KCNQ1: variants seen among roughly 807,000 people sequenced by gnomAD.
KCNQ1 encodes potassium voltage-gated channel subfamily Q member 1, also known as potassium voltage-gated channel subfamily KQT member 1.
In KCNQ1, 49 loss-of-function variants were observed where a neutral mutation model predicts 72.4. That is an observed-to-expected ratio of 0.68 (90% CI 0.54 to 0.86). The LOEUF is 0.86. Ranked by LOEUF, KCNQ1 falls within the 40% of genes least tolerant of loss-of-function variation. KCNQ1 has a pLI of 0.00. For synonymous variants in KCNQ1, 450 were observed against 412.6 expected (o/e 1.09, Z -1.10); for missense variants, 790 against 945.1 (o/e 0.84, Z 2.15).
chr11:2,761,815 CCTG>C (rs1411855731), intron 11 of KCNQ1, among the ~76,000 whole-genome samples: 1 of 152,258 alleles, frequency 6.6e-6, no homozygotes, highest in East Asian at 1.9e-4. Context: ...CACCCTCAGC[CCTG>C]GCTGCTTGCA....
At chr11:2,714,832 G>A (rs1196804959) in intron 11 of KCNQ1, among the ~76,000 whole-genome samples, 1 of 152,094 alleles carries the variant, frequency 6.6e-6, no homozygotes, top group Admixed American at 6.5e-5. Context: ...AGGGAATGAT[G>A]CAGACAGAGG....
Position 2,645,996 on chromosome 11 carries a change from G to T in KCNQ1, c.1394-15965G>T, listed in dbSNP as rs2133836017. The T allele has an allele frequency of 2.5e-6, 1 of 398,648 alleles. No individual in the cohort carries two copies. The highest frequency in any genetic ancestry group is 1.3e-4 in the South Asian group (1 of 7,854). The allele number at this position is 398,648 out of a possible 1,614,324, so 24.7% of individuals were successfully genotyped here. On this transcript the variant is annotated intron_variant, in intron 10 of 15. Transcript: ENST00000155840. The surrounding 1 kb of genome is among the most constrained non-coding windows in gnomAD (Gnocchi z 5.8). ...CTAGGATTTCAGGAGTCTGCTGTGG[G>T]AATGTGGACCACTAGGGGCTCACTT...
Position 2,610,462 on chromosome 11 carries a change from T to G in KCNQ1, c.1393+21608T>G, listed in dbSNP as rs117084069. On this transcript the variant is annotated intron_variant, in intron 10 of 15. Transcript: ENST00000155840. The stretch of plus-strand genomic sequence containing the variant: ...TATATTTGATCCACTTTTTTGGTTT[T>G]TATGGATTTGAGTTACCAACTGGTG... 6.1e-3 allele frequency: 2,421 copies of G among 398,376 alleles called. 59 individuals are homozygous for G. In the South Asian group the frequency reaches 0.073, roughly 12 times the overall value. The allele number at this position is 398,376 out of a possible 1,614,324, so 24.7% of individuals were successfully genotyped here. A position where few individuals can be genotyped will look rare whatever the true frequency, so the allele number is the denominator to read the frequency against.
intron 1 of KCNQ1, among the ~76,000 whole-genome samples, chr11:2,490,765 C>T (rs367909128): frequency 1.4e-4 from 22 of 152,222 alleles, no homozygotes; most frequent in Admixed American, 3.9e-4. Context: ...CTCAGCTCAC[C>T]GCAACCTCTG....
In KCNQ1 at chr11:2,809,403, C is replaced by T. The variant is rs893243832; in HGVS notation, c.1794+31366C>T. 1.3e-5 allele frequency among the ~76,000 whole-genome samples: 2 copies of T among 152,188 alleles called. No homozygotes were observed. Among genetic ancestry groups the T allele is most frequent in the African/African-American group, 4.8e-5 (2 of 41,446 alleles). On this transcript the variant is annotated intron_variant, in intron 15 of 15. Coordinates refer to ENST00000155840, the MANE Select transcript of KCNQ1 (RefSeq NM_000218.3). The surrounding 1 kb of genome is among the most constrained non-coding windows in gnomAD (Gnocchi z 7.1). The stretch of plus-strand genomic sequence containing the variant: ...CGACGCTGCAACCCCGCCCCCGCAG[C>T]CTCCTGGTGCAGCACGTGTTCATTT...
chr11:2,675,438 A>T, intron 11 of KCNQ1: 1 of 398,684 alleles, frequency 2.5e-6, no homozygotes, highest in Non-Finnish European at 4.4e-6. Context: ...GCGTTAAAAT[A>T]AAAGATGATC....
At chr11:2,753,937 C>G (rs1846262611) in intron 11 of KCNQ1, among the ~76,000 whole-genome samples, 1 of 152,098 alleles carries the variant, frequency 6.6e-6, no homozygotes, top group Non-Finnish European at 1.5e-5. Flanking sequence ...GGATGTGTAT[C>G]CAGAATATAC....
intron 1 of KCNQ1, among the ~76,000 whole-genome samples, chr11:2,523,002 A>G (rs1847415378): frequency 6.6e-6 from 1 of 152,112 alleles, no homozygotes; most frequent in African/African-American, 2.4e-5. Flanking sequence ...CACATATCTG[A>G]GCCAGCTGTG....
intron 10 of KCNQ1, chr11:2,640,833 C>G (rs750869818): frequency 2.8e-5 from 11 of 399,056 alleles, no homozygotes; most frequent in Non-Finnish European, 4.9e-5. Flanking sequence ...ACCCTCCAGA[C>G]ATACCTTTCA....
Position 2,612,124 on chromosome 11 carries a change from C to T in KCNQ1, c.1393+23270C>T, listed in dbSNP as rs1464762591. On this transcript the variant is annotated intron_variant, in intron 10 of 15. Transcript: ENST00000155840. The surrounding 1 kb of genome is among the most constrained non-coding windows in gnomAD (Gnocchi z 5.5). ...GGGTTCCCAACCCCAGGGCCATGGA[C>T]TGGTACCAGTCTGTGGCCTATTAGA... is the stretch of plus-strand genomic sequence containing the variant. 2.5e-6 allele frequency: 1 copy of T among 398,540 alleles called. No individual in the cohort carries two copies. Among genetic ancestry groups the T allele is most frequent in the East Asian group, 3.6e-5 (1 of 28,090 alleles). 24.7% of individuals were successfully genotyped at this position (398,540 alleles called of 1,614,324 possible). A position where few individuals can be genotyped will look rare whatever the true frequency, so the allele number is the denominator to read the frequency against.
At chr11:2,581,871 G>T (rs1418824420) in intron 6 of KCNQ1, among the ~76,000 whole-genome samples, 1 of 152,214 alleles carries the variant, frequency 6.6e-6, no homozygotes, top group Non-Finnish European at 1.5e-5. Context: ...TTGTGTGTGT[G>T]GCAGGGGCAT....
Position 2,777,007 on chromosome 11 carries a change from G to A in KCNQ1, c.1707G>A (p.Lys569=), listed in dbSNP as rs1288914203. 8 of 1,614,156 alleles carry A rather than the reference G, an allele frequency of 5.0e-6. No homozygotes were observed. Among genetic ancestry groups the A allele is most frequent in the Middle Eastern group, 1.6e-4 (1 of 6,062 alleles). Residue 569 remains lysine (K), a synonymous_variant, in exon 14 of 16, where the codon AAG becomes AAA. Transcript: ENST00000155840. The part of the protein sequence containing the change: ...LQRRLDQSIG[K]PSLFISVSEK... ...CCAGGCTGGACCAGTCCATTGGGAAGCCCTCACTGTTCATCTCCGTCTCAG... is the reference window on the plus strand; with the variant it reads ...CCAGGCTGGACCAGTCCATTGGGAAACCCTCACTGTTCATCTCCGTCTCAG...
intron 1 of KCNQ1, among the ~76,000 whole-genome samples, chr11:2,520,949 A>C (rs536231166): frequency 6.6e-6 from 1 of 152,260 alleles, no homozygotes; most frequent in East Asian, 1.9e-4. Context: ...CGTCCCCAGT[A>C]GGGGTCTTTG....
At chr11:2,485,037 C>T (rs967927020) in intron 1 of KCNQ1, among the ~76,000 whole-genome samples, 1 of 152,208 alleles carries the variant, frequency 6.6e-6, no homozygotes, top group Non-Finnish European at 1.5e-5. Context: ...GGCGCCTGTG[C>T]ATGGCGTCTG....
At position 2,620,978 on chromosome 11, in the gene KCNQ1, T is replaced by C; in HGVS notation, c.1393+32124T>C. On this transcript the variant is annotated intron_variant, in intron 10 of 15. Coordinates refer to ENST00000155840, the MANE Select transcript of KCNQ1 (RefSeq NM_000218.3). The surrounding 1 kb of genome is among the most constrained non-coding windows in gnomAD (Gnocchi z 4.5). ...TTTTTGTCTGTTTTTTGCTTTTTTGTTTGTTTGTTTGTTTTTTGAGAAAGA... is the reference window on the plus strand; with the variant it reads ...TTTTTGTCTGTTTTTTGCTTTTTTGCTTGTTTGTTTGTTTTTTGAGAAAGA... 2 of 397,768 alleles carry C rather than the reference T, an allele frequency of 5.0e-6. No homozygotes were observed. The highest frequency in any genetic ancestry group is 8.9e-6 in the Non-Finnish European group (2 of 225,954). 24.6% of individuals were successfully genotyped at this position (397,768 alleles called of 1,614,324 possible).
chr11:2,527,020 C>A (rs976253543), intron 1 of KCNQ1, among the ~76,000 whole-genome samples: 12 of 152,096 alleles, frequency 7.9e-5, no homozygotes, highest in African/African-American at 2.9e-4. Flanking sequence ...CCCCTAGAGG[C>A]GGGAGGAAGG....
chr11:2,610,161 T>C (rs1466093386), intron 10 of KCNQ1: 1 of 397,860 alleles, frequency 2.5e-6, no homozygotes, highest in South Asian at 1.3e-4. Context: ...TTTATGATTC[T>C]TCAATATTCT....
chr11:2,614,303 T>C, intron 10 of KCNQ1: 1 of 398,628 alleles, frequency 2.5e-6, no homozygotes, highest in Non-Finnish European at 4.4e-6. Flanking sequence ...GAGTCTTCTT[T>C]TTCTGGTGAT....
In KCNQ1 at chr11:2,509,512, A is replaced by G. The variant is rs1847159692; in HGVS notation, c.387-18416A>G. On this transcript the variant is annotated intron_variant, in intron 1 of 15. Coordinates refer to ENST00000155840, the MANE Select transcript of KCNQ1 (RefSeq NM_000218.3). This position sits in a 1 kb window ranked among gnomAD's most constrained non-coding sequence, Gnocchi z 6.3. ...GTCCTGAGCAGAGACAGAGGAAGGC[A>G]GGGCAGCCTGCTCAGAGGATGAGCC... Among the ~76,000 whole-genome samples the G allele has an allele frequency of 6.6e-6, 1 of 152,188 alleles. No individual in the cohort carries two copies. Among genetic ancestry groups the G allele is most frequent in the South Asian group, 2.1e-4 (1 of 4,830 alleles).
Sources: gnomAD v4.1 joint callset for allele counts (sites outside exome capture counted in the v4.1 genomes callset) on GRCh38, gnomAD v4.1.1 for gene constraint, Gnocchi (gnomAD v3.1) non-coding constraint, MANE v1.5 for transcripts, NCBI Gene and HGNC (gene_info 2026-07-23, HGNC 2026-07-21) for gene names.